The following ADAMTSL1 variants were observed in gnomAD, a reference collection of about 807,000 sequenced individuals.
The protein encoded by ADAMTSL1 is ADAMTS like 1, also known as ADAMTS-like protein 1.
A neutral mutation model predicts 201.8 loss-of-function variants in ADAMTSL1; 126 were observed. That is an observed-to-expected ratio of 0.62 (90% CI 0.54 to 0.72). The LOEUF (loss-of-function observed/expected upper bound fraction) is 0.72, where lower values mean the gene tolerates loss of function less well. ADAMTSL1 is among the 30% of genes least tolerant of loss of function. ADAMTSL1 has a pLI of 0.00. For missense variants in ADAMTSL1, 2,679 were observed against 2,277.8 expected (o/e 1.18, Z -3.59); for synonymous variants, 1,121 against 903.4 (o/e 1.24, Z -4.32).
intron 7 of ADAMTSL1, among the ~76,000 whole-genome samples, chr9:18,639,717 T>C (rs1346372335): frequency 1.3e-5 from 2 of 152,102 alleles, no homozygotes; most frequent in African/African-American, 2.4e-5. Context: ...GTTTTTAAAA[T>C]AGTTTGGATA....
chr9:18,834,442 A>G (rs967560791), intron 23 of ADAMTSL1, among the ~76,000 whole-genome samples: 5 of 152,086 alleles, frequency 3.3e-5, no homozygotes, highest in Non-Finnish European at 7.4e-5. Context: ...ATACTTCTTT[A>G]TACGTTTGAC....
At chr9:18,473,801 A>G, upstream of ADAMTSL1, 1 of 193,354 alleles carries the variant, frequency 5.2e-6, no homozygotes, top group Non-Finnish European at 1.1e-5. Flanking sequence ...GCACAGGCAA[A>G]TGGCAAATAG....
chr9:18,742,165 C>G (rs541918066), intron 15 of ADAMTSL1, among the ~76,000 whole-genome samples: 1 of 152,030 alleles, frequency 6.6e-6, no homozygotes, highest in Admixed American at 6.6e-5. Flanking sequence ...CCATAAAGGC[C>G]CTATTTCTAA....
intron 2 of ADAMTSL1, among the ~76,000 whole-genome samples, chr9:18,379,703 C>T (rs879665564): frequency 3.3e-5 from 5 of 151,594 alleles, no homozygotes; most frequent in Admixed American, 2.0e-4. Context: ...GGTTTTATAC[C>T]GGATGAGAGC....
chr9:18,163,191 C>A (rs1286065618), intron 1 of ADAMTSL1, among the ~76,000 whole-genome samples: 1 of 152,030 alleles, frequency 6.6e-6, no homozygotes, highest in African/African-American at 2.4e-5. Context: ...CTGATTTCAA[C>A]ACTTACTGAC....
intron 1 of ADAMTSL1, among the ~76,000 whole-genome samples, chr9:18,003,332 A>G (rs113871119): frequency 1.8e-4 from 28 of 152,158 alleles, no homozygotes; most frequent in African/African-American, 6.5e-4. Flanking sequence ...TTCTACAAGT[A>G]CCTGCTGAAG....
intron 1 of ADAMTSL1, among the ~76,000 whole-genome samples, chr9:18,123,694 G>A (rs942297381): frequency 1.3e-5 from 2 of 152,222 alleles, no homozygotes; most frequent in East Asian, 3.9e-4. Context: ...TTGTACAGAC[G>A]TCGACACTGC....
intron 1 of ADAMTSL1, among the ~76,000 whole-genome samples, chr9:17,947,041 A>T (rs1270554786): frequency 1.3e-5 from 2 of 152,058 alleles, no homozygotes; most frequent in Non-Finnish European, 2.9e-5. Context: ...TAAAGTACAC[A>T]CTGCCTGGCA....
At chr9:18,470,096 C>A (rs1158858660), upstream of ADAMTSL1, among the ~76,000 whole-genome samples, 2 of 152,138 alleles carry the variant, frequency 1.3e-5, no homozygotes, top group African/African-American at 4.8e-5. Context: ...AGATGGTAGT[C>A]CTGGGGAAAG....
intron 10 of ADAMTSL1, among the ~76,000 whole-genome samples, chr9:18,679,593 A>G (rs1244217618): frequency 6.6e-6 from 1 of 152,172 alleles, no homozygotes; most frequent in Non-Finnish European, 1.5e-5. Flanking sequence ...TAGCCTTCCA[A>G]CTCAAACCAA....
At chr9:18,797,459 G>A (rs1334775528) in intron 20 of ADAMTSL1, among the ~76,000 whole-genome samples, 1 of 152,200 alleles carries the variant, frequency 6.6e-6, no homozygotes, top group Non-Finnish European at 1.5e-5. Context: ...CCTGTGTTTT[G>A]TGGTCCCTGA....
chr9:18,098,528 G>C (rs1824352765), intron 1 of ADAMTSL1, among the ~76,000 whole-genome samples: 1 of 152,098 alleles, frequency 6.6e-6, no homozygotes, highest in South Asian at 2.1e-4. Context: ...AAATATTGTT[G>C]CTCGTCTAGA....
chr9:17,960,857 C>T (rs541223310), intron 1 of ADAMTSL1, among the ~76,000 whole-genome samples: 11 of 152,126 alleles, frequency 7.2e-5, no homozygotes, highest in Non-Finnish European at 1.5e-4. Flanking sequence ...GTAGTAAATG[C>T]GCAGTGAACA....
chr9:18,580,264 C>T (rs1161662778), intron 4 of ADAMTSL1, among the ~76,000 whole-genome samples: 1 of 152,078 alleles, frequency 6.6e-6, no homozygotes, highest in Non-Finnish European at 1.5e-5. Context: ...ATTCTGGCAA[C>T]ATCAAAATGA....
At chr9:18,267,883 T>C (rs944804867) in intron 2 of ADAMTSL1, among the ~76,000 whole-genome samples, 1 of 151,968 alleles carries the variant, frequency 6.6e-6, no homozygotes, top group African/African-American at 2.4e-5. Flanking sequence ...GAATGAAAGA[T>C]TTCTTAGAGA....
upstream of ADAMTSL1, among the ~76,000 whole-genome samples, chr9:18,469,948 A>G (rs117404902): frequency 2.0e-3 from 308 of 152,338 alleles, 6 homozygotes; most frequent in East Asian, 0.048. Flanking sequence ...AAAAACATCT[A>G]TGTGAAGTTA....
chr9:18,897,281 C>A (rs1829702811), intron 26 of ADAMTSL1, among the ~76,000 whole-genome samples: 1 of 152,138 alleles, frequency 6.6e-6, no homozygotes, highest in African/African-American at 2.4e-5. Context: ...GTTACTCAGC[C>A]TTCCCAGGAC....
chr9:18,625,928 G>A (rs369656765), intron 5 of ADAMTSL1, among the ~76,000 whole-genome samples: 9 of 152,302 alleles, frequency 5.9e-5, no homozygotes, highest in East Asian at 1.9e-4. Flanking sequence ...TTATGCTGAC[G>A]TATAATGGCT....
chr9:18,129,716 G>C (rs1732701466), intron 1 of ADAMTSL1, among the ~76,000 whole-genome samples: 2 of 152,190 alleles, frequency 1.3e-5, no homozygotes, highest in African/African-American at 4.8e-5. Context: ...TATTAGAAGA[G>C]AATGGATGAC....
Sources: allele counts gnomAD v4.1 joint callset (sites outside exome capture counted in the v4.1 genomes callset), GRCh38; gene constraint gnomAD v4.1.1; transcripts MANE v1.5; gene names NCBI Gene and HGNC (gene_info 2026-07-23, HGNC 2026-07-21).